Variants in EDIL3 observed in about 807,000 individuals in gnomAD.
EDIL3 encodes EGF like and discoidin domains 3.
Under a neutral mutation model 67.4 loss-of-function variants are expected in EDIL3, and 37 were observed. The ratio of observed to expected loss-of-function variants is 0.55; its 90% CI spans 0.42 to 0.72. The LOEUF (loss-of-function observed/expected upper bound fraction) is 0.72, where lower values mean the gene tolerates loss of function less well. EDIL3 is among the 30% of genes least tolerant of loss of function. EDIL3 has a pLI of 0.00. For missense variants in EDIL3, 527 were observed against 586.3 expected, an observed-to-expected ratio of 0.90 and a Z score of 1.04; for synonymous variants, 195 against 196.3, an observed-to-expected ratio of 0.99 and a Z score of 0.05.
chr5:84,136,214 C>T (rs898073365), intron 5 of EDIL3, among the ~76,000 whole-genome samples: 1 of 152,114 alleles, frequency 6.6e-6, no homozygotes, highest in Non-Finnish European at 1.5e-5. Flanking sequence ...CACTAAATAG[C>T]TGTGAAAGCT....
At chr5:83,953,366 TTTTTC>T (rs966753941) in intron 10 of EDIL3, among the ~76,000 whole-genome samples, 29 of 151,764 alleles carry the variant, frequency 1.9e-4, no homozygotes, top group African/African-American at 6.5e-4. Context: ...TTTTGGGTCT[TTTTTC>T]TTTTCTTAAT....
At chr5:84,188,591 G>C (rs1298433713) in intron 3 of EDIL3, among the ~76,000 whole-genome samples, 1 of 151,550 alleles carries the variant, frequency 6.6e-6, no homozygotes, top group Non-Finnish European at 1.5e-5. Flanking sequence ...TTGAAGCCCT[G>C]ATCTTCAGGA....
intron 10 of EDIL3, among the ~76,000 whole-genome samples, chr5:83,946,715 T>C (rs754643818): frequency 2.6e-5 from 4 of 151,904 alleles, no homozygotes; most frequent in Non-Finnish European, 5.9e-5. Context: ...CCAGGGATCA[T>C]GGAACAAAGT....
intron 3 of EDIL3, among the ~76,000 whole-genome samples, chr5:84,200,728 T>C (rs996594662): frequency 1.3e-5 from 2 of 152,066 alleles, no homozygotes; most frequent in African/African-American, 4.8e-5. Context: ...CAGTCCAAAT[T>C]TGGCCAATGT....
At chr5:84,023,802 G>A (rs1309448724) in intron 9 of EDIL3, among the ~76,000 whole-genome samples, 2 of 151,968 alleles carry the variant, frequency 1.3e-5, no homozygotes, top group East Asian at 3.9e-4. Flanking sequence ...CTGACATGGG[G>A]TAAAATGACA....
chr5:84,158,787 A>G (rs190642461), intron 4 of EDIL3, among the ~76,000 whole-genome samples: 1 of 152,216 alleles, frequency 6.6e-6, no homozygotes, highest in East Asian at 1.9e-4. Flanking sequence ...TATTTGTGAT[A>G]AGTTCTCTTA....
chr5:84,330,581 T>C (rs1394697718), intron 1 of EDIL3, among the ~76,000 whole-genome samples: 4 of 152,160 alleles, frequency 2.6e-5, no homozygotes, highest in Non-Finnish European at 4.4e-5. Flanking sequence ...AGGTACAAAC[T>C]TATAAGAAAA....
At chr5:84,134,923 A>G (rs1030139823) in intron 5 of EDIL3, among the ~76,000 whole-genome samples, 29 of 152,198 alleles carry the variant, frequency 1.9e-4, no homozygotes, top group African/African-American at 6.8e-4. Flanking sequence ...TAAATGTTGT[A>G]TCAATATAAA....
intron 4 of EDIL3, among the ~76,000 whole-genome samples, chr5:84,176,196 ATAATATAT>A (rs1313453917): frequency 6.9e-5 from 2 of 28,926 alleles, no homozygotes; most frequent in Non-Finnish European, 1.1e-4. Context: ...ATATATATAT[ATAATATAT>A]ATATATATAT....
intron 1 of EDIL3, among the ~76,000 whole-genome samples, chr5:84,291,817 A>G (rs943555432): frequency 4.1e-5 from 6 of 148,084 alleles, no homozygotes; most frequent in Non-Finnish European, 8.9e-5. Flanking sequence ...ACACACACAT[A>G]TATATACACA....
At chr5:84,220,609 G>A (rs1316751595) in intron 3 of EDIL3, among the ~76,000 whole-genome samples, 1 of 152,108 alleles carries the variant, frequency 6.6e-6, no homozygotes, top group African/African-American at 2.4e-5. Flanking sequence ...TTCATTGATT[G>A]GTGACCTAGT....
intron 1 of EDIL3, among the ~76,000 whole-genome samples, chr5:84,374,070 T>C (rs957243529): frequency 6.6e-6 from 1 of 152,118 alleles, no homozygotes; most frequent in Non-Finnish European, 1.5e-5. Context: ...AGGTTAGTAA[T>C]GGGCTCCAAA....
intron 9 of EDIL3, among the ~76,000 whole-genome samples, chr5:83,984,091 C>T (rs751769870): frequency 1.4e-4 from 21 of 152,022 alleles, no homozygotes; most frequent in Non-Finnish European, 8.8e-5. Context: ...TAAGTCAGGG[C>T]AGTTGGTTCA....
At chr5:84,170,455 C>T (rs1748794327) in intron 4 of EDIL3, among the ~76,000 whole-genome samples, 2 of 152,160 alleles carry the variant, frequency 1.3e-5, no homozygotes, top group South Asian at 4.1e-4. Flanking sequence ...GTAGTCTTCC[C>T]TTATCACTAT....
intron 4 of EDIL3, among the ~76,000 whole-genome samples, chr5:84,179,572 C>T (rs533063798): frequency 6.6e-6 from 1 of 152,318 alleles, no homozygotes; most frequent in East Asian, 1.9e-4. Flanking sequence ...CCTTATCGTT[C>T]TTAATACCAT....
intron 5 of EDIL3, among the ~76,000 whole-genome samples, chr5:84,107,551 T>C (rs987231939): frequency 6.6e-6 from 1 of 151,546 alleles, no homozygotes; most frequent in African/African-American, 2.4e-5. Flanking sequence ...AGTTTCAAAT[T>C]CACAATTCTA....
intron 9 of EDIL3, among the ~76,000 whole-genome samples, chr5:84,056,908 C>T (rs1746459294): frequency 6.6e-6 from 1 of 152,050 alleles, no homozygotes; most frequent in African/African-American, 2.4e-5. Context: ...TCACCCCATA[C>T]ATTGTTATCT....
At chr5:84,344,096 T>C (rs553641812) in intron 1 of EDIL3, among the ~76,000 whole-genome samples, 1 of 152,240 alleles carries the variant, frequency 6.6e-6, no homozygotes, top group East Asian at 1.9e-4. Context: ...GCAGAGGTTC[T>C]GTAGCTGTGG....
chr5:84,269,714 T>C (rs960072717), intron 1 of EDIL3, among the ~76,000 whole-genome samples: 5 of 152,166 alleles, frequency 3.3e-5, no homozygotes, highest in Non-Finnish European at 7.4e-5. Flanking sequence ...TGGGGGCTCT[T>C]AGAGCTTTAT....
Sources: gnomAD v4.1 joint callset for allele counts (sites outside exome capture counted in the v4.1 genomes callset) on GRCh38, gnomAD v4.1.1 for gene constraint, MANE v1.5 for transcripts, NCBI Gene and HGNC (gene_info 2026-07-23, HGNC 2026-07-21) for gene names.